The following ABCC12 variants were observed in gnomAD, a reference collection of about 807,000 sequenced individuals.
ABCC12 encodes the protein ATP-binding cassette sub-family C member 12.
Under a neutral mutation model 151.1 loss-of-function variants are expected in ABCC12, and 142 were observed. The ratio of observed to expected loss-of-function variants is 0.94; its 90% confidence interval spans 0.82 to 1.08. The LOEUF is 1.08. Among genes scored for constraint, ABCC12 ranks in the 50% least tolerant of loss-of-function variants. The pLI is 0.00. For synonymous variants in ABCC12, 645 were observed against 646.4 expected (o/e 1.00, Z 0.03); for missense variants, 1,638 against 1,691.1 (o/e 0.97, Z 0.55).
At chr16:48,124,626 CA>C (rs1217814653) in intron 11 of ABCC12, among the ~76,000 whole-genome samples, 2 of 152,180 alleles carry the variant, frequency 1.3e-5, no homozygotes, top group African/African-American at 4.8e-5. Context: ...GCCCAGACTC[CA>C]GAAAAGCAAA....
At chr16:48,145,229 A>T (rs537372348) in intron 3 of ABCC12, among the ~76,000 whole-genome samples, 2 of 152,242 alleles carry the variant, frequency 1.3e-5, no homozygotes, top group African/African-American at 4.8e-5. Context: ...CTGGGAGAAG[A>T]TAACGCAGTG....
rs1457190398 is a variant in ABCC12, at chr16:48,088,566, T to C, written c.3454A>G (p.Ile1152Val). 5 of 1,614,012 alleles carry C rather than the reference T, an allele frequency of 3.1e-6. No homozygotes were observed. The highest frequency in any genetic ancestry group is 2.5e-6 in the Non-Finnish European group (3 of 1,179,960). Residue 1152 changes from isoleucine (I) to valine (V), a missense_variant, in exon 26 of 31, where the codon ATT (isoleucine) becomes GTT (valine). Ile to Val is a conservative substitution (Grantham distance 29). Coordinates refer to ENST00000311303, the MANE Select transcript of ABCC12 (RefSeq NM_001393797.1). The part of the protein sequence containing the change: ...LNIQSGQTVG[I>V]VGRTGSGKSS... ...TCACCGGAACCTGTTCTTCCAACAA[T>C]CCCGACTGTCTGCCCACTTTGTATG... is the stretch of plus-strand genomic sequence containing the variant.
chr16:48,106,171 T>A (rs980666229), intron 20 of ABCC12, among the ~76,000 whole-genome samples: 2 of 152,166 alleles, frequency 1.3e-5, no homozygotes, highest in South Asian at 4.1e-4. Flanking sequence ...AAATCAGAGG[T>A]GGCTGATGGA....
intron 22 of ABCC12, among the ~76,000 whole-genome samples, chr16:48,102,523 C>G (rs1044344670): frequency 2.0e-5 from 3 of 152,194 alleles, no homozygotes; most frequent in African/African-American, 7.2e-5. Context: ...CTTCAAGAAC[C>G]TGGACACCCT....
chr16:48,124,125 C>T (rs1479426863), intron 12 of ABCC12, 88 bp downstream of exon 12: 2 of 1,396,810 alleles, frequency 1.4e-6, no homozygotes, highest in East Asian at 4.6e-5. Context: ...CAGCCGAGGC[C>T]ATCTGCTGGG....
chr16:48,128,986 C>T (rs1964333374), intron 10 of ABCC12, among the ~76,000 whole-genome samples: 1 of 152,242 alleles, frequency 6.6e-6, no homozygotes, highest in Non-Finnish European at 1.5e-5. Flanking sequence ...GAATGCTGAT[C>T]CCAGCCACAT....
chr16:48,134,141 G>T (rs1964528119), intron 8 of ABCC12, among the ~76,000 whole-genome samples: 1 of 152,150 alleles, frequency 6.6e-6, no homozygotes, highest in Admixed American at 6.5e-5. Context: ...GAAGGAAGTG[G>T]GGCCAGAGAG....
At chr16:48,155,220 T>C (rs1965168846) in intron 1 of ABCC12, among the ~76,000 whole-genome samples, 1 of 152,122 alleles carries the variant, frequency 6.6e-6, no homozygotes, top group African/African-American at 2.4e-5. Context: ...TACCCTCATC[T>C]CCCAGAAGGC....
intron 15 of ABCC12, among the ~76,000 whole-genome samples, chr16:48,113,558 C>T (rs937551592): frequency 1.3e-4 from 20 of 152,206 alleles, no homozygotes; most frequent in African/African-American, 4.8e-4. Context: ...AAGATGCTTG[C>T]CTGTGGGCCT....
intron 15 of ABCC12, among the ~76,000 whole-genome samples, chr16:48,112,853 T>C (rs1228329011): frequency 6.6e-6 from 1 of 152,180 alleles, no homozygotes. Context: ...AAAACACAGC[T>C]ACATTTAATG....
intron 27 of ABCC12, chr16:48,087,377 C>G (rs1413059342): frequency 6.4e-6 from 1 of 155,738 alleles, no homozygotes; most frequent in Non-Finnish European, 1.4e-5. Flanking sequence ...CCTCTCATCA[C>G]AGAGAGAGCT....
chr16:48,149,049 A>G (rs766552907), intron 2 of ABCC12, among the ~76,000 whole-genome samples: 38 of 152,128 alleles, frequency 2.5e-4, no homozygotes, highest in Non-Finnish European at 4.4e-4. Context: ...TTTCCCCAGA[A>G]AGTGAAAAAT....
intron 6 of ABCC12, 36 bp from the exon 7 acceptor site, chr16:48,139,372 G>A: frequency 6.4e-7 from 1 of 1,562,134 alleles, no homozygotes; most frequent in Non-Finnish European, 8.6e-7. Flanking sequence ...GGCTTTGGAA[G>A]AGTCAGTCAA....
In ABCC12 at chr16:48,081,378, C is replaced by CCTGTATAAGGTTTGCATGTCTTATACATG. The variant is rs1305474427; in HGVS notation, c.*2336_*2337insCATGTATAAGACATGCAAACCTTATACAG. Among the ~76,000 whole-genome samples, 1 of 152,112 alleles carries CCTGTATAAGGTTTGCATGTCTTATACATG rather than the reference C, an allele frequency of 6.6e-6. No homozygotes were observed. Among genetic ancestry groups the CCTGTATAAGGTTTGCATGTCTTATACATG allele is most frequent in the Admixed American group, 6.6e-5 (1 of 15,266 alleles). Reference sequence around the variant, plus strand: ...TTTCGTGTCTTATACATGCAAACAGCCAAACCCTCAGAAGTCACTCTCCCC... The same window carrying CCTGTATAAGGTTTGCATGTCTTATACATG: ...TTTCGTGTCTTATACATGCAAACAGCCTGTATAAGGTTTGCATGTCTTATACATGCAAACCCTCAGAAGTCACTCTCCCC... On this transcript the variant is annotated 3_prime_UTR_variant, in exon 31 of 31. Transcript: ENST00000311303.
rs1288520214 is a variant in ABCC12, at chr16:48,081,635, G to GA, written c.*2079dup. Among the ~76,000 whole-genome samples, 2 of 152,124 alleles carry GA rather than the reference G, an allele frequency of 1.3e-5. No homozygotes were observed. The highest frequency in any genetic ancestry group is 4.8e-5 in the African/African-American group (2 of 41,426). On this transcript the variant is annotated 3_prime_UTR_variant, in exon 31 of 31. Transcript: ENST00000311303. The stretch of plus-strand genomic sequence containing the variant: ...TGAGGATTCAGTGAAATAATTCATG[G>GA]AAAAAATGCTTGTCACAGTCCTGGC...
At chr16:48,114,913 C>G (rs1222081334) in intron 15 of ABCC12, among the ~76,000 whole-genome samples, 2 of 152,210 alleles carry the variant, frequency 1.3e-5, no homozygotes, top group East Asian at 3.9e-4. Flanking sequence ...TCCCCAAAGC[C>G]TCAGCCTTAG....
intron 15 of ABCC12, among the ~76,000 whole-genome samples, chr16:48,114,018 A>G (rs998098084): frequency 5.3e-5 from 8 of 152,170 alleles, no homozygotes; most frequent in Non-Finnish European, 1.2e-4. Flanking sequence ...GCCAGAGCCC[A>G]TTCTGTCACC....
intron 8 of ABCC12, among the ~76,000 whole-genome samples, chr16:48,137,285 A>G (rs1964643556): frequency 6.6e-6 from 1 of 152,274 alleles, no homozygotes; most frequent in African/African-American, 2.4e-5. Context: ...TCATAAAAGC[A>G]GGAAACTTTT....
chr16:48,152,350 A>G (rs1357477869), intron 2 of ABCC12, among the ~76,000 whole-genome samples: 1 of 152,184 alleles, frequency 6.6e-6, no homozygotes, highest in Non-Finnish European at 1.5e-5. Context: ...CGGAAGCAAG[A>G]AAAGAAGCCT....
Sources: gnomAD v4.1 joint callset for allele counts (sites outside exome capture counted in the v4.1 genomes callset) on GRCh38, gnomAD v4.1.1 for gene constraint, MANE v1.5 for transcripts, NCBI Gene and HGNC (gene_info 2026-07-23, HGNC 2026-07-21) for gene names.